The following MAP7D2 variants were observed in gnomAD, a reference collection of about 807,000 sequenced individuals.
MAP7D2 encodes the protein MAP7 domain-containing protein 2.
In MAP7D2, 33 loss-of-function variants were observed where a neutral mutation model predicts 63.5. The observed-to-expected ratio is 0.52, with a 90% confidence interval of 0.39 to 0.70. The LOEUF is 0.70. MAP7D2 is among the 30% of genes least tolerant of loss of function. MAP7D2 has a pLI of 0.00. For missense variants in MAP7D2, 626 were observed against 604.0 expected (o/e 1.04, Z -0.38); for synonymous variants, 224 against 223.7 (o/e 1.00, Z -0.01).
At chrX:20,060,964 G>A (rs2065207562) in intron 3 of MAP7D2, among the ~76,000 whole-genome samples, 2 of 109,076 alleles carry the variant, frequency 1.8e-5, no homozygotes, top group African/African-American at 3.3e-5. Flanking sequence ...GGGGTCAACA[G>A]GCCTCTCATG....
intron 1 of MAP7D2, among the ~76,000 whole-genome samples, chrX:20,106,713 A>G (rs2066576021): frequency 8.9e-6 from 1 of 112,642 alleles, no homozygotes. Flanking sequence ...TGCAAAGAAA[A>G]GAATGTCAGA....
chrX:20,045,584 C>T (rs370406133), intron 6 of MAP7D2, among the ~76,000 whole-genome samples: 5 of 103,691 alleles, frequency 4.8e-5, no homozygotes, highest in East Asian at 5.9e-4. Context: ...CACAGCCATG[C>T]GTGGAACTAT....
intron 1 of MAP7D2, among the ~76,000 whole-genome samples, chrX:20,098,543 C>T (rs1295273786): frequency 4.6e-5 from 5 of 109,852 alleles, no homozygotes; most frequent in South Asian, 3.9e-4. Flanking sequence ...AGGGGTTGTC[C>T]GCTCTCTACA....
At chrX:20,085,459 C>A (rs1166902315) in intron 1 of MAP7D2, among the ~76,000 whole-genome samples, 2 of 112,033 alleles carry the variant, frequency 1.8e-5, no homozygotes, top group Non-Finnish European at 3.8e-5. Context: ...ACAACCACAG[C>A]CACTGTGGCC....
At chrX:20,029,197 A>G (rs116691091) in intron 8 of MAP7D2, among the ~76,000 whole-genome samples, 2,727 of 112,288 alleles carry the variant, frequency 0.024, 95 homozygotes, top group African/African-American at 0.084. Context: ...TAGGCAGACA[A>G]GAAGCCTTCC....
intron 3 of MAP7D2, among the ~76,000 whole-genome samples, 186 bp from the exon 4 acceptor site, chrX:20,056,977 G>A (rs965337980): frequency 8.9e-6 from 1 of 111,944 alleles, no homozygotes; most frequent in Middle Eastern, 4.2e-3. Flanking sequence ...TAAACAATGC[G>A]GCTAGGCTAG....
chrX:20,076,953 T>G (rs2065660343), intron 1 of MAP7D2, among the ~76,000 whole-genome samples: 1 of 112,884 alleles, frequency 8.9e-6, no homozygotes, highest in Non-Finnish European at 1.9e-5. Flanking sequence ...AAATCACAAT[T>G]GCACAGCTAA....
Position 20,042,532 on chromosome X carries a change from G to A in MAP7D2, c.977C>T (p.Pro326Leu). ...LRRCEFSGGI[P>L]KRPSSPVISK... The stretch of plus-strand genomic sequence containing the variant: ...TATCACAGGAGAAGATGGTCTCTTA[G>A]GAATGCCTCCAGAAAACTCACATCT... The change falls in exon 8 of 17, where the codon CCT (proline) becomes CTT (leucine). Residue 326 changes from proline (P) to leucine (L), a missense_variant. Physicochemically the swap from Pro to Leu is moderately conservative, Grantham distance 98. Transcript: ENST00000379643. The A allele has an allele frequency of 8.3e-7, 1 of 1,211,243 alleles. No homozygotes were observed. Among genetic ancestry groups the A allele is most frequent in the South Asian group, 1.8e-5 (1 of 56,957 alleles).
chrX:20,054,239 CTT>C (rs750818798), intron 4 of MAP7D2, among the ~76,000 whole-genome samples: 47 of 112,159 alleles, frequency 4.2e-4, no homozygotes, highest in Admixed American at 9.4e-4. Context: ...TTTTAATACT[CTT>C]TTCAATTTTT....
At chrX:20,097,121 C>T (rs2066292519) in intron 1 of MAP7D2, among the ~76,000 whole-genome samples, 1 of 111,702 alleles carries the variant, frequency 9.0e-6, no homozygotes, top group Non-Finnish European at 1.9e-5. Context: ...TATATCTGTG[C>T]CATCCAACTG....
chrX:20,060,440 A>G (rs561049843), intron 3 of MAP7D2, among the ~76,000 whole-genome samples: 5 of 35,506 alleles, frequency 1.4e-4, no homozygotes, highest in African/African-American at 2.6e-4. Flanking sequence ...GAGAGAAAGA[A>G]AGAAAGAAAG....
chrX:20,053,942 C>CA (rs1309933586), intron 4 of MAP7D2, among the ~76,000 whole-genome samples: 2 of 111,572 alleles, frequency 1.8e-5, no homozygotes, highest in African/African-American at 6.5e-5. Flanking sequence ...CTCCCGGGTT[C>CA]AAGTGATTCT....
intron 6 of MAP7D2, chrX:20,049,885 G>A: frequency 3.2e-6 from 1 of 317,255 alleles, no homozygotes; most frequent in South Asian, 2.9e-5. Flanking sequence ...ATCCTAGTGG[G>A]TGTAAAGTGG....
In MAP7D2 at chrX:20,063,324, T is replaced by C. The variant is rs1049221418; in HGVS notation, c.372+90A>G. 1.7e-5 allele frequency: 18 copies of C among 1,047,174 alleles called. No homozygotes were observed. The Admixed American group carries it at 4.7e-4, about 27-fold the overall frequency. 86.3% of individuals were successfully genotyped at this position (1,047,174 alleles called of 1,213,427 possible). A position where few individuals can be genotyped will look rare whatever the true frequency, so the allele number is the denominator to read the frequency against. The stretch of plus-strand genomic sequence containing the variant: ...GGAGAAGGTGCACGGCAGGTCTCTC[T>C]CCTACCCCAGAGCTGGGCAGGATGC... On this transcript the variant is annotated intron_variant, in intron 3 of 16. Transcript: ENST00000379643.
Position 20,007,989 on chromosome X carries a change from A to G in MAP7D2, c.*436T>C, listed in dbSNP as rs1420684706. The G allele has an allele frequency of 1.8e-5, 2 of 112,081 alleles. No homozygotes were observed. Among genetic ancestry groups the G allele is most frequent in the African/African-American group, 6.5e-5 (2 of 30,838 alleles). The allele number at this position is 112,081 out of a possible 1,213,427, so 9.2% of individuals were successfully genotyped here. ...ACAGGGAGATATACAGTGCAAGTTG[A>G]GTATATGTTGAACTAGAGTTTGGGT... On this transcript the variant is annotated 3_prime_UTR_variant, in exon 17 of 17. Coordinates refer to ENST00000379643, the MANE Select transcript of MAP7D2 (RefSeq NM_001168465.2).
At chrX:20,094,548 A>ATATATATGTG (rs2066190607) in intron 1 of MAP7D2, among the ~76,000 whole-genome samples, 1 of 9,102 alleles carries the variant, frequency 1.1e-4, no homozygotes, top group Non-Finnish European at 1.7e-4. Context: ...ATATGTATAT[A>ATATATATGTG]TATATATATA....
chrX:20,033,195 C>T (rs761398086), intron 8 of MAP7D2, among the ~76,000 whole-genome samples: 156 of 112,490 alleles, frequency 1.4e-3, no homozygotes, highest in Non-Finnish European at 2.6e-3. Flanking sequence ...AGTCACAGAA[C>T]TGTGAAAATG....
At chrX:20,102,514 C>T (rs774742703) in intron 1 of MAP7D2, among the ~76,000 whole-genome samples, 4 of 111,243 alleles carry the variant, frequency 3.6e-5, no homozygotes, top group Admixed American at 2.9e-4. Flanking sequence ...CCCATTCCAA[C>T]ATGCCTGAAA....
In MAP7D2 at chrX:20,049,270, A is replaced by AT. The variant is rs60182799; in HGVS notation, c.718+1553dup. 8.1e-3 allele frequency among the ~76,000 whole-genome samples: 664 copies of AT among 81,740 alleles called. 17 individuals are homozygous for AT. The highest frequency in any genetic ancestry group is 0.054 in the Admixed American group (399 of 7,429). 71.0% of individuals were successfully genotyped at this position (81,740 alleles called of 115,157 possible). On this transcript the variant is annotated intron_variant, in intron 6 of 16. Transcript: ENST00000379643. ...CATCCATCTTGTGGCATGTATCTGT[A>AT]TTTTTTTTTTTTTTTTTTTGAGATG...
Sources: allele counts gnomAD v4.1 joint callset (sites outside exome capture counted in the v4.1 genomes callset), GRCh38; gene constraint gnomAD v4.1.1; transcripts MANE v1.5; gene names NCBI Gene and HGNC (gene_info 2026-07-23, HGNC 2026-07-21).